The following PDE5A variants were observed in gnomAD, a reference collection of about 807,000 sequenced individuals.
The protein encoded by PDE5A is phosphodiesterase 5A, also known as cGMP-specific 3',5'-cyclic phosphodiesterase.
Under a neutral mutation model 110.2 loss-of-function variants are expected in PDE5A, and 67 were observed. That is an observed-to-expected ratio of 0.61 (90% CI 0.50 to 0.75). The LOEUF (loss-of-function observed/expected upper bound fraction) is 0.75, where lower values mean the gene tolerates loss of function less well. PDE5A is among the 30% of genes least tolerant of loss of function. The pLI is 0.00. For synonymous variants in PDE5A, 328 were observed against 351.2 expected (o/e 0.93, Z 0.74); for missense variants, 862 against 1,045.1 (o/e 0.82, Z 2.42).
At chr4:119,523,534 A>C (rs544376248) in intron 12 of PDE5A, among the ~76,000 whole-genome samples, 11 of 152,076 alleles carry the variant, frequency 7.2e-5, no homozygotes, top group Non-Finnish European at 1.3e-4. Context: ...GAATGATGGC[A>C]ATGTTCAAGT....
intron 3 of PDE5A, among the ~76,000 whole-genome samples, chr4:119,585,870 A>T (rs1186473058): frequency 2.0e-5 from 3 of 152,196 alleles, no homozygotes; most frequent in Non-Finnish European, 2.9e-5. Context: ...ACTCTGGAGA[A>T]GTCAGCTGCC....
Position 119,510,924 on chromosome 4 carries a change from C to T in PDE5A, c.2088+123G>A, listed in dbSNP as rs1026477677. ...AAATGTTTTGGCTTCGCCTTCCTTA[C>T]CCAAAAAGGAATAAAGTATGTGCAA... On this transcript the variant is annotated intron_variant, in intron 15 of 20. Coordinates refer to ENST00000354960, the MANE Select transcript of PDE5A (RefSeq NM_001083.4). 9.4e-6 allele frequency: 6 copies of T among 635,518 alleles called. No homozygotes were observed. The African/African-American group carries it at 1.1e-4, about 12-fold the overall frequency. The allele number at this position is 635,518 out of a possible 1,614,324, so 39.4% of individuals were successfully genotyped here.
chr4:119,596,112 C>T (rs957832372), intron 3 of PDE5A, among the ~76,000 whole-genome samples: 2 of 152,022 alleles, frequency 1.3e-5, no homozygotes, highest in African/African-American at 2.4e-5. Context: ...GCTATGATTT[C>T]CATTTTTTTC....
chr4:119,578,081 T>A (rs1479502025), intron 3 of PDE5A, among the ~76,000 whole-genome samples: 2 of 152,104 alleles, frequency 1.3e-5, no homozygotes, highest in African/African-American at 4.8e-5. Flanking sequence ...TGAACTCCCA[T>A]TCACAATTGC....
chr4:119,628,283 G>A (rs1320072474), intron 1 of PDE5A, among the ~76,000 whole-genome samples: 1 of 57,160 alleles, frequency 1.7e-5, no homozygotes, highest in Non-Finnish European at 4.4e-5. Flanking sequence ...AAGAGGGTCG[G>A]GGGTGAGGGT....
intron 7 of PDE5A, among the ~76,000 whole-genome samples, chr4:119,557,206 C>A (rs1002155751): frequency 2.0e-5 from 3 of 152,176 alleles, no homozygotes; most frequent in Admixed American, 6.5e-5. Context: ...GACTTCCCAG[C>A]AGCCTTGCCA....
At chr4:119,563,430 A>G (rs1408158865) in intron 5 of PDE5A, among the ~76,000 whole-genome samples, 1 of 152,222 alleles carries the variant, frequency 6.6e-6, no homozygotes, top group African/African-American at 2.4e-5. Flanking sequence ...ATTACCCGTC[A>G]AAGTAAACAA....
intron 3 of PDE5A, among the ~76,000 whole-genome samples, chr4:119,584,702 G>T (rs1351705051): frequency 1.3e-5 from 2 of 152,078 alleles, no homozygotes; most frequent in African/African-American, 4.8e-5. Flanking sequence ...TACCTCCTTT[G>T]CATGACATTA....
Position 119,525,407 on chromosome 4 carries a change from C to T in PDE5A, c.1779+142G>A, listed in dbSNP as rs144031416. On this transcript the variant is annotated intron_variant, in intron 12 of 20. Transcript: ENST00000354960. This position sits in a 1 kb window ranked among gnomAD's most constrained non-coding sequence, Gnocchi z 4.3. ...AATGATAATTTTTCTTTAAAAGTCT[C>T]GGGTATATATTAGGTGACAGTATAT... 7.2e-4 allele frequency: 489 copies of T among 679,376 alleles called. No homozygotes were observed. The highest frequency in any genetic ancestry group is 7.1e-3 in the African/African-American group (393 of 55,362). The allele number at this position is 679,376 out of a possible 1,614,324, so 42.1% of individuals were successfully genotyped here.
intron 11 of PDE5A, among the ~76,000 whole-genome samples, chr4:119,532,745 A>G (rs954190033): frequency 1.6e-4 from 25 of 152,134 alleles, no homozygotes; most frequent in Non-Finnish European, 3.7e-4. Flanking sequence ...ATGCCTCATG[A>G]GAAAGGTCTA....
At chr4:119,509,246 G>A (rs1725659612) in intron 15 of PDE5A, among the ~76,000 whole-genome samples, 1 of 152,068 alleles carries the variant, frequency 6.6e-6, no homozygotes, top group Non-Finnish European at 1.5e-5. Context: ...GGTTCCTCTG[G>A]AAGTAACTTG....
intron 1 of PDE5A, among the ~76,000 whole-genome samples, chr4:119,609,586 T>C (rs1729671137): frequency 6.6e-6 from 1 of 152,132 alleles, no homozygotes. Flanking sequence ...TGATACCCCA[T>C]CTAGAATGTA....
At chr4:119,579,732 C>G (rs1011013916) in intron 3 of PDE5A, among the ~76,000 whole-genome samples, 1 of 151,720 alleles carries the variant, frequency 6.6e-6, no homozygotes, top group African/African-American at 2.4e-5. Context: ...GGAGATATAC[C>G]TAATGTTAAA....
rs889665312 is a variant in PDE5A at position 119,525,414 on chromosome 4, A to G, written c.1779+135T>C. ...ATTTTTCTTTAAAAGTCTCGGGTAT[A>G]TATTAGGTGACAGTATATTAATCAC... On this transcript the variant is annotated intron_variant, in intron 12 of 20. Coordinates refer to ENST00000354960, the MANE Select transcript of PDE5A (RefSeq NM_001083.4). This position sits in a 1 kb window ranked among gnomAD's most constrained non-coding sequence, Gnocchi z 4.3. The G allele has an allele frequency of 3.2e-5, 24 of 741,548 alleles. No individual in the cohort carries two copies. The highest frequency in any genetic ancestry group is 4.6e-5 in the Non-Finnish European group (22 of 476,920). The allele number at this position is 741,548 out of a possible 1,614,324, so 45.9% of individuals were successfully genotyped here.
chr4:119,612,030 C>T (rs2110554883), intron 1 of PDE5A, among the ~76,000 whole-genome samples: 1 of 152,312 alleles, frequency 6.6e-6, no homozygotes, highest in African/African-American at 2.4e-5. Context: ...TATGCAAATA[C>T]AAATCACCTG....
intron 18 of PDE5A, among the ~76,000 whole-genome samples, chr4:119,502,932 T>C (rs6843229): frequency 0.53 from 80,788 of 151,910 alleles, 22,025 homozygotes; most frequent in African/African-American, 0.65. Flanking sequence ...ATTTATTTTC[T>C]CCCCATAAAA....
At chr4:119,560,736 G>T (rs1727718753) in intron 6 of PDE5A, among the ~76,000 whole-genome samples, 1 of 152,122 alleles carries the variant, frequency 6.6e-6, no homozygotes, top group South Asian at 2.1e-4. Context: ...CCCAGGTAAA[G>T]AATCCCTTCT....
intron 14 of PDE5A, 133 bp from the exon 15 acceptor site, chr4:119,511,267 T>A (rs1725734224): frequency 3.3e-6 from 2 of 597,496 alleles, no homozygotes; most frequent in South Asian, 4.4e-5. Context: ...TTTTCTCTCC[T>A]TTTACTGAGA....
At chr4:119,596,414 T>C in intron 3 of PDE5A, 109 bp downstream of exon 3, 1 of 503,756 alleles carries the variant, frequency 2.0e-6, no homozygotes, top group Non-Finnish European at 3.4e-6. Flanking sequence ...ACTTTATAGC[T>C]AATTTGTCAC....
Sources: allele counts gnomAD v4.1 joint callset (sites outside exome capture counted in the v4.1 genomes callset), GRCh38; gene constraint gnomAD v4.1.1; non-coding constraint Gnocchi (gnomAD v3.1); transcripts MANE v1.5; gene names NCBI Gene and HGNC (gene_info 2026-07-23, HGNC 2026-07-21).